Variants in LHFPL4 observed in about 807,000 individuals in gnomAD.
LHFPL4 encodes LHFPL tetraspan subfamily member 4.
Under a neutral mutation model 20.0 loss-of-function variants are expected in LHFPL4, and 6 were observed. That is an observed-to-expected ratio of 0.30 (90% confidence interval 0.16 to 0.59). The LOEUF is 0.59. Ranked by LOEUF, LHFPL4 falls within the 20% of genes least tolerant of loss-of-function variation. LHFPL4 has a pLI of 0.88. For synonymous variants in LHFPL4, 129 were observed against 143.8 expected (o/e 0.90, Z 0.74); for missense variants, 215 against 331.2 (o/e 0.65, Z 2.72).
Position 9,552,519 on chromosome 3 carries a change from G to A in LHFPL4, c.161C>T (p.Pro54Leu). ...PYWVGDSVST[P>L]KPGYFGLFHY... The stretch of plus-strand genomic sequence containing the variant: ...GAAGAGGCCGAAGTAGCCAGGCTTG[G>A]GGGTGCTCACGCTGTCGCCCACCCA... Residue 54 changes from proline (P) to leucine (L), a missense_variant, in exon 2 of 4, where the codon CCC (proline) becomes CTC (leucine). Physicochemically the swap from Pro to Leu is moderately conservative, Grantham distance 98 (BLOSUM62 -3). Around this residue, in one of 2 missense-constraint regions of LHFPL4, gnomAD observed 164 missense variants for 286.7 expected, o/e 0.57. Transcript: ENST00000287585. The A allele has an allele frequency of 6.2e-7, 1 of 1,613,832 alleles. No homozygotes were observed. The highest frequency in any genetic ancestry group is 2.2e-5 in the East Asian group (1 of 44,856).
chr3:9,498,780 C>G lies in LHFPL4; in HGVS notation c.*3431G>C, dbSNP rs1357257252. ...TCCCCGTGTGCCCAAGCAGGATGCTCAAAAGGCCAGGGACTCTCCCCACAG... is the reference window on the plus strand; with the variant it reads ...TCCCCGTGTGCCCAAGCAGGATGCTGAAAAGGCCAGGGACTCTCCCCACAG... On this transcript the variant is annotated 3_prime_UTR_variant, in exon 4 of 4. Transcript: ENST00000287585. The G allele has an allele frequency of 6.5e-6, 1 of 152,672 alleles. No individual in the cohort carries two copies. Among genetic ancestry groups the G allele is most frequent in the Non-Finnish European group, 1.5e-5 (1 of 68,044 alleles). The allele number at this position is 152,672 out of a possible 1,614,324, so 9.5% of individuals were successfully genotyped here.
In LHFPL4 at chr3:9,510,736, G is replaced by A. The variant is rs369548987; in HGVS notation, c.407-4533C>T. On this transcript the variant is annotated intron_variant, in intron 2 of 3. Transcript: ENST00000287585. ...GTGGATCACCTGAGGTCAGGAGTTC[G>A]AGACCAGCCTGGTCAACATGGTGAA... Among the ~76,000 whole-genome samples the A allele has an allele frequency of 5.9e-5, 9 of 152,034 alleles. No homozygotes were observed. In the South Asian group the frequency reaches 1.7e-3, roughly 28 times the overall value.
At chr3:9,508,242 G>A (rs1444681246) in intron 2 of LHFPL4, among the ~76,000 whole-genome samples, 1 of 152,148 alleles carries the variant, frequency 6.6e-6, no homozygotes, top group Non-Finnish European at 1.5e-5. Flanking sequence ...GGCACTGCCA[G>A]ATTCCAGCCA....
At chr3:9,531,901 G>C (rs1248451060) in intron 2 of LHFPL4, among the ~76,000 whole-genome samples, 1 of 152,214 alleles carries the variant, frequency 6.6e-6, no homozygotes, top group Non-Finnish European at 1.5e-5. Context: ...ATGAGCCTAA[G>C]AAGAGGTAAA....
chr3:9,536,742 G>C (rs1186055544), intron 2 of LHFPL4, among the ~76,000 whole-genome samples: 1 of 151,928 alleles, frequency 6.6e-6, no homozygotes, highest in Non-Finnish European at 1.5e-5. Flanking sequence ...TGGGAGGATT[G>C]CTTGAGGCCA....
chr3:9,513,466 G>A (rs1219538453), intron 2 of LHFPL4, among the ~76,000 whole-genome samples: 1 of 151,986 alleles, frequency 6.6e-6, no homozygotes, highest in Non-Finnish European at 1.5e-5. Flanking sequence ...CAAGTAGCTG[G>A]GACCACAGGT....
chr3:9,515,236 T>A (rs1166496414), intron 2 of LHFPL4, among the ~76,000 whole-genome samples: 1 of 152,242 alleles, frequency 6.6e-6, no homozygotes, highest in Non-Finnish European at 1.5e-5. Flanking sequence ...GAAACTGTAT[T>A]TCCCAGATGC....
At chr3:9,520,447 G>A (rs548092110) in intron 2 of LHFPL4, among the ~76,000 whole-genome samples, 17 of 152,048 alleles carry the variant, frequency 1.1e-4, no homozygotes, top group Non-Finnish European at 2.1e-4. Flanking sequence ...TCTGCTTCCC[G>A]AGTTCAAGAG....
intron 2 of LHFPL4, among the ~76,000 whole-genome samples, chr3:9,525,262 CT>C (rs1217484437): frequency 1.3e-5 from 2 of 152,234 alleles, no homozygotes; most frequent in African/African-American, 4.8e-5. Flanking sequence ...GGGAGCCCCC[CT>C]AATGACTGGG....
At chr3:9,515,875 T>A (rs1026946591) in intron 2 of LHFPL4, among the ~76,000 whole-genome samples, 5 of 151,908 alleles carry the variant, frequency 3.3e-5, no homozygotes, top group African/African-American at 1.2e-4. Context: ...CCACCAGACC[T>A]GGCTAATTTT....
chr3:9,528,638 C>T (rs750761125), intron 2 of LHFPL4, among the ~76,000 whole-genome samples: 9 of 152,200 alleles, frequency 5.9e-5, no homozygotes, highest in Non-Finnish European at 1.2e-4. Flanking sequence ...TTTTTTGAGA[C>T]GGAGTCTTGC....
intron 2 of LHFPL4, among the ~76,000 whole-genome samples, chr3:9,523,108 A>C (rs199680955): frequency 0.023 from 3,092 of 132,228 alleles, 119 homozygotes; most frequent in African/African-American, 0.082. Context: ...GAGAGAGAGA[A>C]AGCAAGCAAG....
chr3:9,544,197 T>C (rs1014058565), intron 2 of LHFPL4, among the ~76,000 whole-genome samples: 3 of 152,080 alleles, frequency 2.0e-5, no homozygotes, highest in Non-Finnish European at 4.4e-5. Context: ...GACTTATGTC[T>C]GCCTGTGTAC....
At chr3:9,503,248 A>G (rs966028938) in intron 3 of LHFPL4, among the ~76,000 whole-genome samples, 1 of 152,034 alleles carries the variant, frequency 6.6e-6, no homozygotes, top group African/African-American at 2.4e-5. Context: ...CTTTACATTG[A>G]TTTTTAACAC....
At chr3:9,535,860 A>C (rs2125664407) in intron 2 of LHFPL4, among the ~76,000 whole-genome samples, 1 of 152,116 alleles carries the variant, frequency 6.6e-6, no homozygotes, top group African/African-American at 2.4e-5. Context: ...GGAGTGCAGT[A>C]GCATGATCTT....
At chr3:9,538,861 G>A (rs1210005779) in intron 2 of LHFPL4, among the ~76,000 whole-genome samples, 1 of 151,884 alleles carries the variant, frequency 6.6e-6, no homozygotes, top group Admixed American at 6.6e-5. Flanking sequence ...ACCACGCCCG[G>A]CTAATTTTTT....
chr3:9,531,599 C>T (rs1391295483), intron 2 of LHFPL4, among the ~76,000 whole-genome samples: 5 of 152,110 alleles, frequency 3.3e-5, no homozygotes, highest in African/African-American at 9.7e-5. Flanking sequence ...AATAACAATT[C>T]GAGACCAGCC....
chr3:9,513,267 T>C (rs1413127426), intron 2 of LHFPL4, among the ~76,000 whole-genome samples: 1 of 152,100 alleles, frequency 6.6e-6, no homozygotes, highest in African/African-American at 2.4e-5. Flanking sequence ...GCCTGGACAT[T>C]TGTTTTATAT....
At chr3:9,528,329 T>G (rs1271923144) in intron 2 of LHFPL4, among the ~76,000 whole-genome samples, 1 of 152,222 alleles carries the variant, frequency 6.6e-6, no homozygotes, top group Non-Finnish European at 1.5e-5. Context: ...TCACAGCATC[T>G]TCACCAGGAG....
Sources: gnomAD v4.1 joint callset for allele counts (sites outside exome capture counted in the v4.1 genomes callset) on GRCh38, gnomAD v4.1.1 for gene constraint, gnomAD v4.1.1 regional missense constraint, MANE v1.5 for transcripts, NCBI Gene and HGNC (gene_info 2026-07-23, HGNC 2026-07-21) for gene names.